APOO: variants seen among roughly 807,000 people sequenced by gnomAD.
APOO encodes MICOS complex subunit MIC26.
Under a neutral mutation model 23.1 loss-of-function variants are expected in APOO, and 11 were observed. The ratio of observed to expected loss-of-function variants is 0.48; its 90% CI spans 0.30 to 0.79. APOO has a LOEUF of 0.79. APOO is among the 30% of genes least tolerant of loss of function. The probability of loss-of-function intolerance (pLI) is 0.07; values close to 1 mark genes in which losing one functional copy is unlikely to be tolerated. For missense variants in APOO, 160 were observed against 142.7 expected, an observed-to-expected ratio of 1.12 and a Z score of -0.62; for synonymous variants, 59 against 54.8, an observed-to-expected ratio of 1.08 and a Z score of -0.34.
chrX:23,905,321 C>T (rs1402067704), intron 1 of APOO, among the ~76,000 whole-genome samples: 2 of 109,921 alleles, frequency 1.8e-5, no homozygotes, highest in Non-Finnish European at 3.8e-5. Context: ...ACCCAGGAGG[C>T]GGAGGCTGCA....
intron 1 of APOO, among the ~76,000 whole-genome samples, chrX:23,881,619 T>TG (rs377102499): frequency 5.1e-4 from 43 of 84,967 alleles, no homozygotes; most frequent in African/African-American, 1.7e-3. Flanking sequence ...AGGAGAGTTA[T>TG]GGTTTATTAA....
chrX:23,880,136 C>A (rs1926044661), intron 2 of APOO, among the ~76,000 whole-genome samples: 1 of 108,456 alleles, frequency 9.2e-6, no homozygotes, highest in South Asian at 4.0e-4. Flanking sequence ...CAGAAAGGAT[C>A]CAGATCTCTA....
intron 1 of APOO, chrX:23,884,013 C>T (rs1194001345): frequency 2.7e-5 from 3 of 112,239 alleles, no homozygotes; most frequent in Admixed American, 9.5e-5. Flanking sequence ...TGTGAAGCCA[C>T]GAAGCTGGGA....
chrX:23,848,204 G>A (rs866295836), intron 7 of APOO, among the ~76,000 whole-genome samples: 1 of 106,600 alleles, frequency 9.4e-6, no homozygotes, highest in Non-Finnish European at 1.9e-5. Context: ...TCACTCTGTC[G>A]CCCAGGCTGG....
intron 1 of APOO, among the ~76,000 whole-genome samples, chrX:23,889,661 T>G (rs1263526037): frequency 1.0e-5 from 1 of 99,170 alleles, no homozygotes; most frequent in African/African-American, 3.7e-5. Flanking sequence ...GAGTTGTTTT[T>G]TTTTTTTTTT....
intron 3 of APOO, among the ~76,000 whole-genome samples, chrX:23,875,243 A>T (rs1601918435): frequency 9.3e-6 from 1 of 107,886 alleles, no homozygotes; most frequent in East Asian, 2.9e-4. Flanking sequence ...CTCAAAAAAA[A>T]AAAAGGCTTT....
intron 1 of APOO, among the ~76,000 whole-genome samples, chrX:23,884,914 C>G (rs780644249): frequency 9.0e-6 from 1 of 111,038 alleles, no homozygotes; most frequent in East Asian, 2.8e-4. Context: ...TTCCAGAGAC[C>G]GACAGACAGC....
chrX:23,874,075 G>A (rs992335993), intron 4 of APOO, among the ~76,000 whole-genome samples: 1 of 112,177 alleles, frequency 8.9e-6, no homozygotes, highest in South Asian at 3.6e-4. Flanking sequence ...GAGCTATTCC[G>A]ATTCAGAAAA....
At chrX:23,876,585 G>T (rs1925867390) in intron 3 of APOO, among the ~76,000 whole-genome samples, 2 of 110,579 alleles carry the variant, frequency 1.8e-5, no homozygotes, top group South Asian at 7.7e-4. Context: ...CGGATCACAA[G>T]GTCAAGAGAT....
At chrX:23,861,605 TATC>T (rs1215193065) in intron 5 of APOO, among the ~76,000 whole-genome samples, 1 of 91,052 alleles carries the variant, frequency 1.1e-5, no homozygotes, top group Non-Finnish European at 2.2e-5. Context: ...GGGGGCAGGG[TATC>T]ACTAAAGAAA....
intron 1 of APOO, among the ~76,000 whole-genome samples, chrX:23,887,802 T>G (rs1248317635): frequency 8.9e-6 from 1 of 112,030 alleles, no homozygotes; most frequent in Non-Finnish European, 1.9e-5. Flanking sequence ...TAGTGCTAAG[T>G]TACAGGCTAG....
intron 3 of APOO, among the ~76,000 whole-genome samples, chrX:23,877,668 G>A (rs1279767505): frequency 9.1e-5 from 10 of 110,132 alleles, no homozygotes; most frequent in African/African-American, 3.3e-4. Context: ...CAGCTACTTG[G>A]GAGGCTGAGG....
intron 4 of APOO, among the ~76,000 whole-genome samples, chrX:23,869,232 C>A (rs918263314): frequency 3.6e-5 from 4 of 110,824 alleles, no homozygotes; most frequent in African/African-American, 1.3e-4. Flanking sequence ...TTTCAAGTAC[C>A]TTTGGTCCAA....
chrX:23,874,895 T>C (rs760820523), intron 3 of APOO, among the ~76,000 whole-genome samples: 35 of 112,092 alleles, frequency 3.1e-4, no homozygotes, highest in South Asian at 1.5e-3. Context: ...TGACCAGCTT[T>C]AATGAGACAA....
Position 23,833,486 on chromosome X carries a change from T to C in APOO, c.*156A>G. 1 of 111,994 alleles carries C rather than the reference T, an allele frequency of 8.9e-6. No homozygotes were observed. The highest frequency in any genetic ancestry group is 2.8e-4 in the East Asian group (1 of 3,577). The allele number at this position is 111,994 out of a possible 1,213,427, so 9.2% of individuals were successfully genotyped here. On this transcript the variant is annotated 3_prime_UTR_variant, in exon 9 of 9. Transcript: ENST00000379226. ...GCTTGTAGGATGATTTCACAGAAGATAACAGAGGTCTGGTCTAGTTTTTCC... is the reference window on the plus strand; with the variant it reads ...GCTTGTAGGATGATTTCACAGAAGACAACAGAGGTCTGGTCTAGTTTTTCC...
intron 1 of APOO, among the ~76,000 whole-genome samples, chrX:23,892,255 A>T (rs965046741): frequency 6.1e-5 from 6 of 98,440 alleles, no homozygotes; most frequent in Admixed American, 1.1e-4. Flanking sequence ...CCAGCTAATT[A>T]TTTTTTTTTT....
At chrX:23,872,876 C>A (rs1011254818) in intron 4 of APOO, among the ~76,000 whole-genome samples, 3 of 108,969 alleles carry the variant, frequency 2.8e-5, no homozygotes, top group African/African-American at 1.0e-4. Context: ...TATGGTGAAA[C>A]CCGTCTCTAC....
chrX:23,889,811 G>A (rs1926559533), intron 1 of APOO, among the ~76,000 whole-genome samples: 2 of 109,590 alleles, frequency 1.8e-5, no homozygotes, highest in African/African-American at 6.6e-5. Context: ...ACAGGCACCA[G>A]CCACCACGCC....
At chrX:23,896,469 A>T in intron 1 of APOO, among the ~76,000 whole-genome samples, 1 of 111,847 alleles carries the variant, frequency 8.9e-6, no homozygotes, top group Non-Finnish European at 1.9e-5. Flanking sequence ...GGAAGAGTAA[A>T]AATGTTTTGA....
Sources: allele counts gnomAD v4.1 joint callset (sites outside exome capture counted in the v4.1 genomes callset), GRCh38; gene constraint gnomAD v4.1.1; transcripts MANE v1.5; gene names NCBI Gene and HGNC (gene_info 2026-07-23, HGNC 2026-07-21).